The following RPS14 variants were observed in gnomAD, a reference collection of about 807,000 sequenced individuals.
The protein encoded by RPS14 is small ribosomal subunit protein uS11.
Under a neutral mutation model 15.4 loss-of-function variants are expected in RPS14, and 1 was observed. The ratio of observed to expected loss-of-function variants is 0.07; its 90% CI spans 0.02 to 0.31. The LOEUF (loss-of-function observed/expected upper bound fraction) is 0.31, where lower values mean the gene tolerates loss of function less well. Among genes scored for constraint, RPS14 ranks in the 10% least tolerant of loss-of-function variants. The pLI, the probability that RPS14 is intolerant of heterozygous loss-of-function variation, is 1.00. For missense variants in RPS14, 69 were observed against 205.5 expected (o/e 0.34, Z 4.06); for synonymous variants, 68 against 74.4 (o/e 0.91, Z 0.44).
rs781591371 is a variant in RPS14, at chr5:150,447,652, A to G, written c.82T>C (p.Phe28Leu). ...GATGCAAAGATATGGCAGACACCAA[A>G]TACATTCTCTCCTTCAGCCACCTGA... ...GPQVAEGENV[F>L]GVCHIFASFN... is the part of the protein sequence containing the mutation. The change falls in exon 2 of 5, where the codon TTT (phenylalanine) becomes CTT (leucine). Residue 28 changes from phenylalanine to leucine, a missense_variant. Coordinates refer to ENST00000407193, the MANE Select transcript of RPS14 (RefSeq NM_005617.4). 6.2e-7 allele frequency: 1 copy of G among 1,613,918 alleles called. No individual in the cohort carries two copies. Among genetic ancestry groups the G allele is most frequent in the Non-Finnish European group, 8.5e-7 (1 of 1,179,920 alleles).
chr5:150,449,087 A>G (rs1213009369), intron 1 of RPS14: 1 of 152,204 alleles, frequency 6.6e-6, no homozygotes, highest in Non-Finnish European at 1.5e-5. Flanking sequence ...TAACGAGCAG[A>G]GTGGTCATCA....
In RPS14 at chr5:150,446,432, T is replaced by C. The variant is rs187260139; in HGVS notation, c.311+370A>G. Among the ~76,000 whole-genome samples the C allele has an allele frequency of 6.6e-4, 100 of 152,312 alleles. 1 individual carries two copies. The Middle Eastern group carries it at 0.01, about 16-fold the overall frequency. On this transcript the variant is annotated intron_variant, in intron 3 of 4. Coordinates refer to ENST00000407193, the MANE Select transcript of RPS14 (RefSeq NM_005617.4). This position sits in a 1 kb window ranked among gnomAD's most constrained non-coding sequence, Gnocchi z 4.2. ...TTATCATTTAGACCCTAGTTTAAAT[T>C]ACACTTTATCACCAACTCCTTACTT...
At chr5:150,445,722 G>C (rs1410527025) in intron 3 of RPS14, 37 bp from the exon 4 acceptor site, 1 of 1,529,488 alleles carries the variant, frequency 6.5e-7, no homozygotes, top group Admixed American at 1.8e-5. Context: ...AGAGCCTTTG[G>C]CCAAGTCAAT....
chr5:150,449,058 T>C (rs1327721005), intron 1 of RPS14: 1 of 152,232 alleles, frequency 6.6e-6, no homozygotes, highest in Non-Finnish European at 1.5e-5. Flanking sequence ...AGTTTCTCCG[T>C]TCCTAACATC....
At chr5:150,447,455 G>T in intron 2 of RPS14, 130 bp downstream of exon 2, 1 of 915,380 alleles carries the variant, frequency 1.1e-6, no homozygotes, top group Non-Finnish European at 1.8e-6. Context: ...GGGCTAAATG[G>T]ACAAGCACAT....
chr5:150,445,587 T>C, intron 4 of RPS14, 22 bp downstream of exon 4: 8 of 1,610,808 alleles, frequency 5.0e-6, no homozygotes, highest in Non-Finnish European at 6.8e-6. Flanking sequence ...AACCCAAGCA[T>C]TAGCTAGAGG....
chr5:150,443,086 C>T lies in RPS14; in HGVS notation c.*1200G>A, dbSNP rs1770984056. Reference sequence around the variant, plus strand: ...TACCACAATGGGCATTTAGTTTTCACGCCTCCTTAATCTCCTGTCCTTGAC... The same window carrying T: ...TACCACAATGGGCATTTAGTTTTCATGCCTCCTTAATCTCCTGTCCTTGAC... On this transcript the variant is annotated 3_prime_UTR_variant, in exon 5 of 5. Transcript: ENST00000407193. 1.3e-5 allele frequency: 2 copies of T among 152,184 alleles called. No homozygotes were observed. The highest frequency in any genetic ancestry group is 1.3e-4 in the Admixed American group (2 of 15,276). 9.4% of individuals were successfully genotyped at this position (152,184 alleles called of 1,614,324 possible). A position where few individuals can be genotyped will look rare whatever the true frequency, so the allele number is the denominator to read the frequency against.
chr5:150,449,284 T>C (rs1344248879), intron 1 of RPS14: 2 of 152,212 alleles, frequency 1.3e-5, no homozygotes, highest in Admixed American at 6.5e-5. Context: ...GGATCGGTGC[T>C]ATTGTTATTC....
chr5:150,444,423 A>G, intron 4 of RPS14, 70 bp from the exon 5 acceptor site: 1 of 1,312,870 alleles, frequency 7.6e-7, no homozygotes, highest in Non-Finnish European at 1.1e-6. Context: ...TCCCTAGACC[A>G]ATGGCCTAAC....
At position 150,443,144 on chromosome 5, in the gene RPS14, T is replaced by TTA. The variant is rs1491468231; in HGVS notation, c.*1140_*1141dup. The stretch of plus-strand genomic sequence containing the variant: ...ACTTTTAACAATTTAAGGAGTACTG[T>TTA]TATATTTTTTTTGCAAGCTTTTTTT... On this transcript the variant is annotated 3_prime_UTR_variant, in exon 5 of 5. Transcript: ENST00000407193. 6.6e-6 allele frequency: 1 copy of TTA among 151,068 alleles called. No individual in the cohort carries two copies. The highest frequency in any genetic ancestry group is 2.5e-5 in the African/African-American group (1 of 40,780). 9.4% of individuals were successfully genotyped at this position (151,068 alleles called of 1,614,324 possible). A position where few individuals can be genotyped will look rare whatever the true frequency, so the allele number is the denominator to read the frequency against.
intron 3 of RPS14, 22 bp from the exon 4 acceptor site, chr5:150,445,707 T>A: frequency 6.3e-7 from 1 of 1,589,372 alleles, no homozygotes; most frequent in South Asian, 1.1e-5. Context: ...AGGTTTAAGT[T>A]AAGAAGAGCC....
chr5:150,445,616 C>T lies in RPS14; in HGVS notation c.381G>A (p.Gly127=). ...CTAGAGGGGGGCACTTACCAATCCG[C>T]CCGATCTTCATACCCGAGCGGGCAA... The part of the protein sequence containing the change: ...RALARSGMKI[G]RIEDVTPIPS... Residue 127 remains glycine (G), a synonymous_variant, in exon 4 of 5, where the codon GGG becomes GGA. Coordinates refer to ENST00000407193, the MANE Select transcript of RPS14 (RefSeq NM_005617.4). 6.2e-7 allele frequency: 1 copy of T among 1,613,258 alleles called. No homozygotes were observed. The highest frequency in any genetic ancestry group is 8.5e-7 in the Non-Finnish European group (1 of 1,179,794).
At chr5:150,445,828 AC>A (rs1391238148) in intron 3 of RPS14, 143 bp from the exon 4 acceptor site, 1 of 692,802 alleles carries the variant, frequency 1.4e-6, no homozygotes, top group African/African-American at 1.8e-5. Context: ...AGTGGTTCAC[AC>A]CCATAATCTC....
intron 4 of RPS14, among the ~76,000 whole-genome samples, chr5:150,444,918 G>A (rs1771047405): frequency 6.6e-6 from 1 of 151,908 alleles, no homozygotes; most frequent in African/African-American, 2.4e-5. Context: ...AGTAGATGCA[G>A]GTGGGAGGAT....
Position 150,444,221 on chromosome 5 carries a change from G to A in RPS14, c.*65C>T. ...GAGTAGCCCCTGATGAAGGAGAGAA[G>A]GCTGGAGTTGAAACAGTTTACATGA... On this transcript the variant is annotated 3_prime_UTR_variant, in exon 5 of 5. Coordinates refer to ENST00000407193, the MANE Select transcript of RPS14 (RefSeq NM_005617.4). The A allele has an allele frequency of 6.4e-7, 1 of 1,551,678 alleles. No homozygotes were observed. Among genetic ancestry groups the A allele is most frequent in the East Asian group, 2.3e-5 (1 of 43,290 alleles).
In RPS14 at chr5:150,447,668, A is replaced by G. The variant is rs773220134; in HGVS notation, c.66T>C (p.Ala22=). Residue 22 remains alanine, a synonymous_variant, in exon 2 of 5, where the codon GCT becomes GCC. Coordinates refer to ENST00000407193, the MANE Select transcript of RPS14 (RefSeq NM_005617.4). ...AGACACCAAATACATTCTCTCCTTC[A>G]GCCACCTGAGGTCCGAGGCTGATGA... The part of the protein sequence containing the change: ...EQVISLGPQV[A]EGENVFGVCH... 3.1e-6 allele frequency: 5 copies of G among 1,613,990 alleles called. No individual in the cohort carries two copies. In the East Asian group the frequency reaches 8.9e-5, roughly 29 times the overall value.
chr5:150,444,205 CT>C lies in RPS14; in HGVS notation c.*80del. The C allele has an allele frequency of 6.5e-7, 1 of 1,527,920 alleles. No individual in the cohort carries two copies. 94.6% of individuals were successfully genotyped at this position (1,527,920 alleles called of 1,614,324 possible). A position where few individuals can be genotyped will look rare whatever the true frequency, so the allele number is the denominator to read the frequency against. On this transcript the variant is annotated 3_prime_UTR_variant, in exon 5 of 5. Coordinates refer to ENST00000407193, the MANE Select transcript of RPS14 (RefSeq NM_005617.4). ...AAGAAATCAAATGCCTGAGTAGCCC[CT>C]GATGAAGGAGAGAAGGCTGGAGTTG...
rs1770994090 is a variant in RPS14, at chr5:150,443,302, C to T, written c.*984G>A. 6.6e-6 allele frequency: 1 copy of T among 152,056 alleles called. No individual in the cohort carries two copies. 9.4% of individuals were successfully genotyped at this position (152,056 alleles called of 1,614,324 possible). On this transcript the variant is annotated 3_prime_UTR_variant, in exon 5 of 5. Coordinates refer to ENST00000407193, the MANE Select transcript of RPS14 (RefSeq NM_005617.4). ...CATTAGGTATATCTCCTAATGCTAT[C>T]CCTCCCGCCTCCCCAGGAGTACTGT...
Position 150,446,782 on chromosome 5 carries a change from A to T in RPS14, c.311+20T>A. The T allele has an allele frequency of 6.2e-7, 1 of 1,609,904 alleles. No individual in the cohort carries two copies. ...CCAGCAGGTTTTCTACCACCCAGCCATCCCCTCTGCGACTCGTACCTATTT... is the reference window on the plus strand; with the variant it reads ...CCAGCAGGTTTTCTACCACCCAGCCTTCCCCTCTGCGACTCGTACCTATTT... On this transcript the variant is annotated intron_variant, in intron 3 of 4. Transcript: ENST00000407193. The surrounding 1 kb of genome is among the most constrained non-coding windows in gnomAD (Gnocchi z 4.2).
Sources: gnomAD v4.1 joint callset for allele counts (sites outside exome capture counted in the v4.1 genomes callset) on GRCh38, gnomAD v4.1.1 for gene constraint, Gnocchi (gnomAD v3.1) non-coding constraint, MANE v1.5 for transcripts, NCBI Gene and HGNC (gene_info 2026-07-23, HGNC 2026-07-21) for gene names.